DNAJB1: variants seen among roughly 807,000 people sequenced by gnomAD.
The protein encoded by DNAJB1 is dnaJ homolog subfamily B member 1.
A neutral mutation model predicts 24.0 loss-of-function variants in DNAJB1; 14 were observed. The ratio of observed to expected loss-of-function variants is 0.58; its 90% confidence interval spans 0.39 to 0.91. DNAJB1 has a LOEUF of 0.91. DNAJB1 is among the 40% of genes least tolerant of loss of function. The pLI is 0.00. For missense variants in DNAJB1, 517 were observed against 458.1 expected (o/e 1.13, Z -1.17); for synonymous variants, 262 against 174.4 (o/e 1.50, Z -3.96).
chr19:14,517,617 C>A (rs1332307263), intron 1 of DNAJB1: 2 of 154,710 alleles, frequency 1.3e-5, no homozygotes, highest in East Asian at 3.8e-4. Flanking sequence ...GCTCTCCGGA[C>A]CTGGGCGGCC....
chr19:14,517,952 G>C, intron 1 of DNAJB1, 187 bp downstream of exon 1: 1 of 549,200 alleles, frequency 1.8e-6, no homozygotes, highest in Non-Finnish European at 2.9e-6. Context: ...GAGCGGCTGG[G>C]CCAAGGCTCC....
At chr19:14,541,256 T>G (rs1236714216) in intron 1 of DNAJB1, among the ~76,000 whole-genome samples, 4 of 151,952 alleles carry the variant, frequency 2.6e-5, no homozygotes, top group African/African-American at 9.7e-5. Flanking sequence ...GGATTCTAGG[T>G]GTATGCCACC....
intron 1 of DNAJB1, among the ~76,000 whole-genome samples, chr19:14,543,833 G>A (rs374456465): frequency 1.6e-4 from 25 of 151,766 alleles, no homozygotes; most frequent in African/African-American, 6.0e-4. Context: ...CTGCCTCCCA[G>A]GTTCAAGCAA....
intron 1 of DNAJB1, among the ~76,000 whole-genome samples, chr19:14,544,726 G>C (rs1420846427): frequency 6.6e-6 from 1 of 150,930 alleles, no homozygotes; most frequent in African/African-American, 2.4e-5. Flanking sequence ...TCCAACTCCT[G>C]GGTTCAAGGG....
exon 1 of DNAJB1, chr19:14,529,220 A>AC: frequency 3.7e-6 from 1 of 269,414 alleles, no homozygotes; most frequent in Non-Finnish European, 7.6e-6. Context: ...CTCAGAATTT[A>AC]CCCCTTCGGC....
chr19:14,529,903 A>G (rs988803198), upstream of DNAJB1: 10 of 788,376 alleles, frequency 1.3e-5, no homozygotes, highest in African/African-American at 1.4e-4. Flanking sequence ...AAGTATTTAT[A>G]AATCTGCAAC....
chr19:14,520,594 G>A (rs1019606677), upstream of DNAJB1, among the ~76,000 whole-genome samples: 5 of 152,338 alleles, frequency 3.3e-5, no homozygotes, highest in African/African-American at 9.6e-5. Context: ...GACTAGAACT[G>A]GACAACCCGG....
At chr19:14,524,392 C>T (rs896969667) in intron 2 of DNAJB1, among the ~76,000 whole-genome samples, 1 of 151,952 alleles carries the variant, frequency 6.6e-6, no homozygotes, top group Admixed American at 6.6e-5. Flanking sequence ...ATAAGCTGGG[C>T]ATGGTGGCAC....
chr19:14,544,635 CTT>C (rs545193107), intron 1 of DNAJB1, among the ~76,000 whole-genome samples: 45,898 of 133,988 alleles, frequency 0.34, 7,695 homozygotes, highest in Non-Finnish European at 0.41. Flanking sequence ...TTGGCCATTC[CTT>C]TTTTTTTTTT....
intron 1 of DNAJB1, among the ~76,000 whole-genome samples, chr19:14,559,639 T>C (rs2073845455): frequency 6.6e-6 from 1 of 151,860 alleles, no homozygotes; most frequent in Non-Finnish European, 1.5e-5. Context: ...TACAAAAAAT[T>C]AGCTGGATGT....
chr19:14,551,961 C>CTCTCTCTCTT (rs2073534430), upstream of DNAJB1, among the ~76,000 whole-genome samples: 1 of 120,368 alleles, frequency 8.3e-6, no homozygotes, highest in Non-Finnish European at 1.7e-5. Context: ...CTCTCTCTCT[C>CTCTCTCTCTT]TCTCTCTCTC....
chr19:14,522,264 A>G (rs2146529612), upstream of DNAJB1, among the ~76,000 whole-genome samples: 1 of 152,148 alleles, frequency 6.6e-6, no homozygotes, highest in East Asian at 1.9e-4. Context: ...AAAACAGGAC[A>G]TGACCCTCAA....
At chr19:14,528,145 A>G (rs1040462761) in intron 1 of DNAJB1, among the ~76,000 whole-genome samples, 2 of 151,972 alleles carry the variant, frequency 1.3e-5, no homozygotes, top group African/African-American at 2.4e-5. Flanking sequence ...TGGCCTCCCG[A>G]AGTGCTGGGA....
At chr19:14,551,067 A>G (rs1368616898), upstream of DNAJB1, among the ~76,000 whole-genome samples, 5 of 151,584 alleles carry the variant, frequency 3.3e-5, no homozygotes, top group Admixed American at 3.3e-4. Context: ...ATCTGCAAAG[A>G]CACTATTTTT....
chr19:14,543,942 T>C (rs1416830463), intron 1 of DNAJB1, among the ~76,000 whole-genome samples: 3 of 151,066 alleles, frequency 2.0e-5, no homozygotes, highest in Non-Finnish European at 2.9e-5. Context: ...TTCACCATGT[T>C]GGCCAGGCAG....
At chr19:14,553,529 C>T (rs368078388), upstream of DNAJB1, among the ~76,000 whole-genome samples, 3 of 152,220 alleles carry the variant, frequency 2.0e-5, no homozygotes, top group Admixed American at 6.5e-5. Context: ...TATTTCTGGC[C>T]GAGCAGGTGT....
upstream of DNAJB1, among the ~76,000 whole-genome samples, chr19:14,550,541 C>T (rs571839398): frequency 3.9e-5 from 6 of 152,280 alleles, 1 homozygote; most frequent in South Asian, 1.3e-3. Context: ...CAGGTGTCGT[C>T]CCCAACTGCC....
chr19:14,518,632 G>T (rs1006766741), upstream of DNAJB1, among the ~76,000 whole-genome samples: 1 of 152,096 alleles, frequency 6.6e-6, no homozygotes, highest in Admixed American at 6.5e-5. Context: ...GCGCGCACAG[G>T]TCGGAGGAGG....
chr19:14,518,450 C>G, upstream of DNAJB1: 1 of 973,840 alleles, frequency 1.0e-6, no homozygotes, highest in Non-Finnish European at 1.4e-6. Context: ...GCTTCCAGAG[C>G]CCGCCAGCCC....
Sources: gnomAD v4.1 joint callset for allele counts (sites outside exome capture counted in the v4.1 genomes callset) on GRCh38, gnomAD v4.1.1 for gene constraint, MANE v1.5 for transcripts, NCBI Gene and HGNC (gene_info 2026-07-23, HGNC 2026-07-21) for gene names.